Variants in ZNF106 observed in about 807,000 individuals in gnomAD.
ZNF106 encodes the protein SH3-domain binding protein 3.
In ZNF106, 67 loss-of-function variants were observed where a neutral mutation model predicts 195.1. The ratio of observed to expected loss-of-function variants is 0.34; its 90% CI spans 0.28 to 0.42. ZNF106 has a LOEUF of 0.42. ZNF106 is among the 10% of genes least tolerant of loss of function. ZNF106 has a pLI of 1.00. For missense variants in ZNF106, 2,118 were observed against 2,304.5 expected, an observed-to-expected ratio of 0.92 and a Z score of 1.66; for synonymous variants, 784 against 818.6, an observed-to-expected ratio of 0.96 and a Z score of 0.72.
chr15:42,452,099 T>G (rs2056054224), intron 4 of ZNF106, 145 bp from the exon 5 acceptor site: 3 of 743,252 alleles, frequency 4.0e-6, no homozygotes, highest in Non-Finnish European at 6.4e-6. Context: ...ATAGTGGTTG[T>G]TTTCATATCT....
At chr15:42,446,549 A>G in intron 7 of ZNF106, 40 bp downstream of exon 7, 1 of 1,548,106 alleles carries the variant, frequency 6.5e-7, no homozygotes, top group South Asian at 1.2e-5. Flanking sequence ...AAAAACCAAA[A>G]AACACCAACT....
intron 16 of ZNF106, 115 bp from the exon 17 acceptor site, chr15:42,424,175 G>T (rs1186686161): frequency 4.8e-6 from 4 of 826,342 alleles, no homozygotes; most frequent in Non-Finnish European, 5.6e-6. Flanking sequence ...TGAGCACGAT[G>T]AACTAGGTAT....
chr15:42,478,033 G>C (rs1418646187), intron 1 of ZNF106, among the ~76,000 whole-genome samples: 1 of 151,368 alleles, frequency 6.6e-6, no homozygotes, highest in East Asian at 1.9e-4. Flanking sequence ...AGGCTGGAGT[G>C]CAGTGGTGCT....
At chr15:42,477,975 G>GTTAT (rs909302210) in intron 1 of ZNF106, among the ~76,000 whole-genome samples, 63 of 151,252 alleles carry the variant, frequency 4.2e-4, no homozygotes, top group African/African-American at 1.1e-3. Context: ...TTGATACACT[G>GTTAT]TTATTTATTT....
At chr15:42,424,151 A>G in intron 16 of ZNF106, 91 bp from the exon 17 acceptor site, 1 of 1,160,760 alleles carries the variant, frequency 8.6e-7, no homozygotes, top group Non-Finnish European at 1.2e-6. Context: ...TCTAATTTCC[A>G]TCCTATTTTG....
intron 14 of ZNF106, among the ~76,000 whole-genome samples, chr15:42,430,034 A>T (rs1256968389): frequency 1.3e-5 from 2 of 152,032 alleles, no homozygotes; most frequent in Non-Finnish European, 2.9e-5. Flanking sequence ...CTACGTTTTG[A>T]TCTTTGTGGT....
At chr15:42,463,072 T>C (rs1482794692) in intron 3 of ZNF106, among the ~76,000 whole-genome samples, 4 of 152,132 alleles carry the variant, frequency 2.6e-5, no homozygotes, top group African/African-American at 9.7e-5. Context: ...GTGCTGGGAT[T>C]ATAGGCACGA....
chr15:42,451,036 T>C lies in ZNF106; in HGVS notation c.1236A>G (p.Ile412Met), dbSNP rs2141359483. Residue 412 changes from isoleucine to methionine, a missense_variant, in exon 5 of 22, where the codon ATA becomes ATG. Physicochemically the swap from Ile to Met is conservative, Grantham distance 10. Transcript: ENST00000564754. ...GTGTTTCATCAGTTTGGGGCTCCTG[T>C]ATTCCTGTAGTTATCAAGCTAAAAT... The part of the protein sequence containing the change: ...LFDFSLITTG[I>M]QEPQTDETRN... The C allele has an allele frequency of 1.2e-6, 2 of 1,614,238 alleles. No individual in the cohort carries two copies. Among genetic ancestry groups the C allele is most frequent in the East Asian group, 4.5e-5 (2 of 44,888 alleles).
Position 42,415,471 on chromosome 15 carries a change from C to T in ZNF106, c.*1833G>A, listed in dbSNP as rs1350981838. The T allele has an allele frequency of 2.2e-6, 1 of 454,950 alleles. No individual in the cohort carries two copies. 28.2% of individuals were successfully genotyped at this position (454,950 alleles called of 1,614,324 possible). A position where few individuals can be genotyped will look rare whatever the true frequency, so the allele number is the denominator to read the frequency against. Reference sequence around the variant, plus strand: ...TTGGATCAAGTAAGAACCACTGGAGCCTTTCCTGGAAAAAAGAACACATAC... The same window carrying T: ...TTGGATCAAGTAAGAACCACTGGAGTCTTTCCTGGAAAAAAGAACACATAC... On this transcript the variant is annotated 3_prime_UTR_variant, in exon 22 of 22. Coordinates refer to ENST00000564754, the MANE Select transcript of ZNF106 (RefSeq NM_001366845.3).
At position 42,491,094 on chromosome 15, in the gene ZNF106, T is replaced by TCCCCGCCGGG. The variant is rs949563222; in HGVS notation, c.-157_-148dup. The stretch of plus-strand genomic sequence containing the variant: ...GTCCGGGAGCCTGCTCCGGACCCGC[T>TCCCCGCCGGG]CCCCGCCGGGCCCCGCCACAGCCGC... On this transcript the variant is annotated 5_prime_UTR_variant, in exon 1 of 22. Transcript: ENST00000564754. 1 of 149,966 alleles carries TCCCCGCCGGG rather than the reference T, an allele frequency of 6.7e-6. No homozygotes were observed. Among genetic ancestry groups the TCCCCGCCGGG allele is most frequent in the Non-Finnish European group, 1.5e-5 (1 of 67,588 alleles). 9.3% of individuals were successfully genotyped at this position (149,966 alleles called of 1,614,324 possible).
At chr15:42,484,201 G>A (rs6493047) in intron 1 of ZNF106, among the ~76,000 whole-genome samples, 148,335 of 152,322 alleles carry the variant, frequency 0.97, 72,295 homozygotes, top group Non-Finnish European at 1. Flanking sequence ...ACCCCCTTTT[G>A]TTGTAAATAT....
chr15:42,439,964 A>G, intron 10 of ZNF106, 151 bp from the exon 11 acceptor site: 1 of 743,080 alleles, frequency 1.3e-6, no homozygotes, highest in Non-Finnish European at 2.1e-6. Flanking sequence ...CATCACCTAC[A>G]TACACTCCTA....
intron 4 of ZNF106, among the ~76,000 whole-genome samples, chr15:42,452,942 T>C (rs1396045717): frequency 6.6e-6 from 1 of 152,096 alleles, no homozygotes; most frequent in East Asian, 1.9e-4. Context: ...CACCGCGGCC[T>C]CCCAAAGTGC....
At chr15:42,464,687 C>A (rs546730850) in intron 3 of ZNF106, among the ~76,000 whole-genome samples, 2 of 151,980 alleles carry the variant, frequency 1.3e-5, no homozygotes, top group East Asian at 3.9e-4. Context: ...CCACTATGCC[C>A]AGCTAATTTT....
rs780416036 is a variant in ZNF106 at position 42,424,895 on chromosome 15, G to A, written c.5129C>T (p.Ala1710Val). 4 of 1,614,104 alleles carry A rather than the reference G, an allele frequency of 2.5e-6. No individual in the cohort carries two copies. In the South Asian group the frequency reaches 4.4e-5, roughly 18 times the overall value. The change falls in exon 16 of 22, where the codon GCC becomes GTC. Residue 1710 changes from alanine to valine, a missense_variant. Coordinates refer to ENST00000564754, the MANE Select transcript of ZNF106 (RefSeq NM_001366845.3). ...SYDCTISVRD[A>V]RNGLLLRTLE... Reference sequence around the variant, plus strand: ...AGTTCTGAGGAGCAGTCCATTCCGGGCATCGCGTACACTAATTGTGCAGTC... The same window carrying A: ...AGTTCTGAGGAGCAGTCCATTCCGGACATCGCGTACACTAATTGTGCAGTC...
In ZNF106 at chr15:42,439,519, G is replaced by C; in HGVS notation, c.4058C>G (p.Ala1353Gly). Residue 1353 changes from alanine (A) to glycine (G), a missense_variant, in exon 11 of 22, where the codon GCT becomes GGT. Physicochemically the swap from Ala to Gly is moderately conservative, Grantham distance 60. Coordinates refer to ENST00000564754, the MANE Select transcript of ZNF106 (RefSeq NM_001366845.3). Reference sequence around the variant, plus strand: ...TTCTGCCTGTTGTTCAGGCTGGTCAGCTGGAGAGTGGGGTTCCTTCTCCAA... The same window carrying C: ...TTCTGCCTGTTGTTCAGGCTGGTCACCTGGAGAGTGGGGTTCCTTCTCCAA... ...TPLEKEPHSPADQPEQQAEST... is the reference protein window; with the variant it reads ...TPLEKEPHSPGDQPEQQAEST... The C allele has an allele frequency of 9.9e-6, 16 of 1,614,200 alleles. No homozygotes were observed. Among genetic ancestry groups the C allele is most frequent in the Non-Finnish European group, 1.4e-5 (16 of 1,180,028 alleles).
rs2054312854 is a variant in ZNF106, at chr15:42,412,839, C to CT, written c.*4464dup. ...AGTAAACCGTCAATTAGTAAAAGTA[C>CT]TTTATTTTCCTCTTGTATTTGCTTT... On this transcript the variant is annotated 3_prime_UTR_variant, in exon 22 of 22. Coordinates refer to ENST00000564754, the MANE Select transcript of ZNF106 (RefSeq NM_001366845.3). 2.0e-5 allele frequency: 3 copies of CT among 152,338 alleles called. No homozygotes were observed. The South Asian group carries it at 6.2e-4, about 32-fold the overall frequency. The allele number at this position is 152,338 out of a possible 1,614,324, so 9.4% of individuals were successfully genotyped here. A position where few individuals can be genotyped will look rare whatever the true frequency, so the allele number is the denominator to read the frequency against.
chr15:42,418,064 A>T (rs897757683), intron 20 of ZNF106, 113 bp from the exon 21 acceptor site: 1 of 1,136,764 alleles, frequency 8.8e-7, no homozygotes, highest in Non-Finnish European at 1.2e-6. Context: ...CCAGCCCCTT[A>T]TTTCAAATTT....
At chr15:42,420,900 C>A (rs1211233308) in intron 20 of ZNF106, among the ~76,000 whole-genome samples, 161 bp downstream of exon 20, 1 of 152,052 alleles carries the variant, frequency 6.6e-6, no homozygotes, top group Non-Finnish European at 1.5e-5. Context: ...TATAATAAAA[C>A]AAAACCACCA....
Sources: allele counts gnomAD v4.1 joint callset (sites outside exome capture counted in the v4.1 genomes callset), GRCh38; gene constraint gnomAD v4.1.1; transcripts MANE v1.5; gene names NCBI Gene and HGNC (gene_info 2026-07-23, HGNC 2026-07-21).